The following MAD1L1 variants were observed in gnomAD, a reference collection of about 807,000 sequenced individuals.
The protein encoded by MAD1L1 is mitotic spindle assembly checkpoint protein MAD1.
Under a neutral mutation model 96.9 loss-of-function variants are expected in MAD1L1, and 95 were observed. The observed-to-expected ratio is 0.98, with a 90% CI of 0.83 to 1.16. The LOEUF is 1.16. Among genes scored for constraint, MAD1L1 ranks in the 50% most tolerant of loss-of-function variants. The pLI, the probability that MAD1L1 is intolerant of heterozygous loss-of-function variation, is 0.00. For missense variants in MAD1L1, 1,007 were observed against 954.4 expected (o/e 1.06, Z -0.73); for synonymous variants, 473 against 396.6 (o/e 1.19, Z -2.29).
chr7:2,110,710 A>C (rs187705832), intron 11 of MAD1L1, among the ~76,000 whole-genome samples: 43 of 152,276 alleles, frequency 2.8e-4, no homozygotes, highest in Admixed American at 7.8e-4. Flanking sequence ...ATGCTTTCAG[A>C]TCTGTGACGG....
chr7:2,189,408 T>A (rs1051052668), intron 10 of MAD1L1, among the ~76,000 whole-genome samples: 1 of 152,198 alleles, frequency 6.6e-6, no homozygotes, highest in Non-Finnish European at 1.5e-5. Flanking sequence ...CATCAACAGG[T>A]GACTGGATAA....
chr7:2,040,947 C>T (rs1477783579), intron 12 of MAD1L1, among the ~76,000 whole-genome samples: 3 of 152,220 alleles, frequency 2.0e-5, no homozygotes. Flanking sequence ...GTCATAGGGG[C>T]TGCCCTGAGA....
At chr7:1,910,264 T>C (rs927487226) in intron 17 of MAD1L1, among the ~76,000 whole-genome samples, 7 of 152,126 alleles carry the variant, frequency 4.6e-5, no homozygotes, top group Non-Finnish European at 8.8e-5. Flanking sequence ...AGGAGGGACA[T>C]TGGCCCCCGT....
chr7:2,012,208 G>C (rs1036227452), intron 13 of MAD1L1, among the ~76,000 whole-genome samples: 1 of 152,222 alleles, frequency 6.6e-6, no homozygotes, highest in Non-Finnish European at 1.5e-5. Flanking sequence ...TGGTCAATGA[G>C]TCCTGAGGTC....
chr7:2,194,086 G>C (rs1404300141), intron 10 of MAD1L1, among the ~76,000 whole-genome samples: 3 of 151,892 alleles, frequency 2.0e-5, no homozygotes, highest in African/African-American at 7.3e-5. Context: ...TGGGACCATG[G>C]GTGCGTGCCA....
At chr7:2,025,387 G>T (rs1395899001) in intron 12 of MAD1L1, among the ~76,000 whole-genome samples, 1 of 152,190 alleles carries the variant, frequency 6.6e-6, no homozygotes, top group Non-Finnish European at 1.5e-5. Flanking sequence ...TGGAATGATA[G>T]GTTCAAAGGG....
intron 9 of MAD1L1, among the ~76,000 whole-genome samples, chr7:2,213,579 TC>T (rs1165649939): frequency 1.3e-5 from 2 of 152,108 alleles, no homozygotes; most frequent in Non-Finnish European, 2.9e-5. Flanking sequence ...TCAGAAAGGA[TC>T]CTGGGGTTGA....
At chr7:2,211,453 G>C (rs987805091) in intron 10 of MAD1L1, among the ~76,000 whole-genome samples, 4 of 152,368 alleles carry the variant, frequency 2.6e-5, no homozygotes, top group Admixed American at 2.0e-4. Context: ...GACACCCAGT[G>C]CTCCAGGGCA....
intron 11 of MAD1L1, among the ~76,000 whole-genome samples, chr7:2,129,464 C>T (rs1584391719): frequency 1.3e-5 from 2 of 152,374 alleles, no homozygotes; most frequent in Non-Finnish European, 2.9e-5. Context: ...AGCGCCCCTC[C>T]TGCCGTGGGT....
At chr7:2,156,594 C>A (rs1482681706) in intron 10 of MAD1L1, among the ~76,000 whole-genome samples, 1 of 152,080 alleles carries the variant, frequency 6.6e-6, no homozygotes, top group Non-Finnish European at 1.5e-5. Flanking sequence ...CCGAGGCAGG[C>A]GGATCACCTG....
At chr7:2,225,168 C>T (rs1793817475) in intron 4 of MAD1L1, among the ~76,000 whole-genome samples, 1 of 152,252 alleles carries the variant, frequency 6.6e-6, no homozygotes, top group Non-Finnish European at 1.5e-5. Flanking sequence ...GCAACCATGA[C>T]ACAGGGCGTG....
chr7:1,937,040 A>G, intron 16 of MAD1L1, 143 bp from the exon 17 acceptor site: 1 of 677,810 alleles, frequency 1.5e-6, no homozygotes, highest in Non-Finnish European at 2.5e-6. Context: ...TGTCTTCTTG[A>G]GCCTGCCTGG....
intron 12 of MAD1L1, among the ~76,000 whole-genome samples, chr7:2,054,847 G>A (rs916262315): frequency 2.0e-5 from 3 of 152,240 alleles, no homozygotes; most frequent in Non-Finnish European, 4.4e-5. Context: ...AGCTGCGCTC[G>A]GCTGGGCCGT....
intron 11 of MAD1L1, among the ~76,000 whole-genome samples, chr7:2,079,523 C>T (rs531797223): frequency 6.6e-6 from 1 of 152,360 alleles, no homozygotes; most frequent in Non-Finnish European, 1.5e-5. Context: ...ACGCTCTGTT[C>T]CCAACATCTC....
At chr7:1,949,633 A>C (rs1467965848) in intron 16 of MAD1L1, among the ~76,000 whole-genome samples, 1 of 152,058 alleles carries the variant, frequency 6.6e-6, no homozygotes, top group Non-Finnish European at 1.5e-5. Flanking sequence ...CTGAAACCCC[A>C]CAGGCACCGG....
At chr7:1,964,489 C>A (rs73292420) in intron 15 of MAD1L1, among the ~76,000 whole-genome samples, 2 of 152,144 alleles carry the variant, frequency 1.3e-5, no homozygotes, top group African/African-American at 2.4e-5. Context: ...AAACTGCTAC[C>A]GCACAGAGAG....
At chr7:1,886,785 C>A (rs540421901) in intron 18 of MAD1L1, among the ~76,000 whole-genome samples, 1 of 152,264 alleles carries the variant, frequency 6.6e-6, no homozygotes, top group South Asian at 2.1e-4. Flanking sequence ...CAGGCAGAGA[C>A]CTGCTGCAGG....
chr7:1,871,561 C>A (rs1785101332), intron 18 of MAD1L1, among the ~76,000 whole-genome samples: 1 of 150,298 alleles, frequency 6.7e-6, no homozygotes, highest in African/African-American at 2.5e-5. Context: ...ACGCTGAACC[C>A]AACATACGCC....
intron 18 of MAD1L1, among the ~76,000 whole-genome samples, chr7:1,871,153 C>T (rs1445561418): frequency 1.4e-5 from 2 of 148,014 alleles, no homozygotes; most frequent in African/African-American, 2.5e-5. Context: ...CACGCTGAAC[C>T]GACCATAACA....
Sources: gnomAD v4.1 joint callset for allele counts (sites outside exome capture counted in the v4.1 genomes callset) on GRCh38, gnomAD v4.1.1 for gene constraint, MANE v1.5 for transcripts, NCBI Gene and HGNC (gene_info 2026-07-23, HGNC 2026-07-21) for gene names.